RIMS2: variants seen among roughly 807,000 people sequenced by gnomAD.
The protein encoded by RIMS2 is regulating synaptic membrane exocytosis protein 2.
In RIMS2, 59 loss-of-function variants were observed where a neutral mutation model predicts 174.4. The ratio of observed to expected loss-of-function variants is 0.34; its 90% CI spans 0.27 to 0.42. The LOEUF (loss-of-function observed/expected upper bound fraction) is 0.42. RIMS2 is among the 10% of genes least tolerant of loss of function. The pLI is 1.00. For missense variants in RIMS2, 1,620 were observed against 1,666.3 expected (o/e 0.97, Z 0.48); for synonymous variants, 606 against 572.5 (o/e 1.06, Z -0.84).
chr8:103,778,883 C>CTCCTTTT, intron 3 of RIMS2, among the ~76,000 whole-genome samples: 1 of 152,226 alleles, frequency 6.6e-6, no homozygotes, highest in East Asian at 1.9e-4. Flanking sequence ...TATGAGAGTT[C>CTCCTTTT]TCCTTTTTCC....
intron 15 of RIMS2, among the ~76,000 whole-genome samples, chr8:103,972,775 T>C (rs117603252): frequency 3.2e-3 from 483 of 152,288 alleles, no homozygotes; most frequent in Non-Finnish European, 5.6e-3. Flanking sequence ...TTGTGTTACC[T>C]AGTCTAACCA....
intron 1 of RIMS2, among the ~76,000 whole-genome samples, chr8:103,593,609 G>T (rs1011420063): frequency 5.3e-5 from 8 of 151,258 alleles, no homozygotes; most frequent in African/African-American, 1.9e-4. Flanking sequence ...AATATATTAG[G>T]ACATGTAGAA....
intron 19 of RIMS2, among the ~76,000 whole-genome samples, chr8:104,140,732 C>A (rs997745941): frequency 1.1e-4 from 17 of 152,162 alleles, no homozygotes; most frequent in African/African-American, 3.9e-4. Context: ...TGGGACCTAA[C>A]ACCAAGTAGA....
intron 19 of RIMS2, among the ~76,000 whole-genome samples, chr8:104,054,350 G>A (rs988519428): frequency 4.6e-5 from 7 of 151,942 alleles, no homozygotes; most frequent in Non-Finnish European, 7.4e-5. Flanking sequence ...AGCAATCAGC[G>A]GCAGCATCTT....
chr8:103,886,756 G>T (rs2099204661), intron 4 of RIMS2, among the ~76,000 whole-genome samples: 1 of 150,426 alleles, frequency 6.6e-6, no homozygotes, highest in African/African-American at 2.4e-5. Context: ...GTATACTGAT[G>T]CTTTCAATTG....
intron 1 of RIMS2, among the ~76,000 whole-genome samples, chr8:103,544,502 T>A (rs188375227): frequency 4.6e-5 from 7 of 152,258 alleles, no homozygotes; most frequent in African/African-American, 1.7e-4. Flanking sequence ...AACCTCCTAT[T>A]GCGCTAGAGA....
chr8:104,076,584 T>C (rs969262620), intron 19 of RIMS2, among the ~76,000 whole-genome samples: 5 of 152,146 alleles, frequency 3.3e-5, no homozygotes, highest in African/African-American at 9.7e-5. Flanking sequence ...GTAATAGAGA[T>C]ATATGGACAG....
intron 21 of RIMS2, 96 bp downstream of exon 27, chr8:104,248,909 C>A: frequency 1.6e-6 from 1 of 632,826 alleles, no homozygotes. Flanking sequence ...CTCTCTCTCT[C>A]TCTTTCCCTC....
chr8:104,118,850 G>C (rs898054612), intron 19 of RIMS2, among the ~76,000 whole-genome samples: 1 of 152,064 alleles, frequency 6.6e-6, no homozygotes, highest in Non-Finnish European at 1.5e-5. Flanking sequence ...GTGTCTTCAC[G>C]TGGCAGAAAT....
At chr8:103,867,916 A>G (rs1440096229) in intron 3 of RIMS2, among the ~76,000 whole-genome samples, 4 of 152,024 alleles carry the variant, frequency 2.6e-5, no homozygotes, top group Admixed American at 2.6e-4. Flanking sequence ...TTATATACCA[A>G]AATAATAATT....
intron 3 of RIMS2, among the ~76,000 whole-genome samples, chr8:103,848,342 T>C (rs1484575458): frequency 6.6e-6 from 1 of 152,064 alleles, no homozygotes; most frequent in African/African-American, 2.4e-5. Flanking sequence ...TTTTCTTTTT[T>C]CTTCAAGTGG....
At chr8:103,960,598 C>G (rs1249058585) in intron 14 of RIMS2, among the ~76,000 whole-genome samples, 1 of 152,080 alleles carries the variant, frequency 6.6e-6, no homozygotes, top group Non-Finnish European at 1.5e-5. Context: ...AAGGAACTGA[C>G]TATATTCAAT....
intron 1 of RIMS2, among the ~76,000 whole-genome samples, chr8:103,584,785 A>G (rs964799085): frequency 1.3e-5 from 2 of 152,208 alleles, no homozygotes; most frequent in Non-Finnish European, 2.9e-5. Flanking sequence ...GAGAAAATCA[A>G]CTTCACTGGA....
rs867697014 is a variant in RIMS2 at position 103,574,246 on chromosome 8, C to T, written c.176+73184C>T. Among the ~76,000 whole-genome samples the T allele has an allele frequency of 4.6e-5, 7 of 152,152 alleles. No individual in the cohort carries two copies. In the South Asian group the frequency reaches 1.2e-3, roughly 27 times the overall value. Reference sequence around the variant, plus strand: ...TGGATATCATATTTGCCCTAGGTTCCCCCACTTTAGTAAATAAAAAGATAT... The same window carrying T: ...TGGATATCATATTTGCCCTAGGTTCTCCCACTTTAGTAAATAAAAAGATAT... On this transcript the variant is annotated intron_variant, in intron 1 of 23. Coordinates refer to ENST00000504942, the Ensembl canonical transcript of RIMS2.
intron 3 of RIMS2, among the ~76,000 whole-genome samples, chr8:103,862,180 A>C (rs1487777638): frequency 6.6e-6 from 1 of 151,912 alleles, no homozygotes; most frequent in Non-Finnish European, 1.5e-5. Flanking sequence ...ATTCAGTTTC[A>C]TTCTTCTTAA....
intron 1 of RIMS2, among the ~76,000 whole-genome samples, chr8:103,661,241 A>G (rs991653224): frequency 1.3e-5 from 2 of 152,212 alleles, no homozygotes; most frequent in African/African-American, 4.8e-5. Flanking sequence ...GTACTTCAGT[A>G]TCTGAATATA....
intron 2 of RIMS2, among the ~76,000 whole-genome samples, chr8:103,714,392 A>C (rs72679474): frequency 6.6e-6 from 1 of 152,338 alleles, no homozygotes; most frequent in Non-Finnish European, 1.5e-5. Flanking sequence ...GGAAAAAAGA[A>C]GACCAGCCTT....
At chr8:104,164,544 A>G (rs1443463847) in intron 19 of RIMS2, among the ~76,000 whole-genome samples, 7 of 152,244 alleles carry the variant, frequency 4.6e-5, no homozygotes, top group Non-Finnish European at 1.0e-4. Context: ...AACACATGAA[A>G]TCAACCCAAA....
chr8:103,510,807 T>C (rs1448563460), intron 1 of RIMS2, among the ~76,000 whole-genome samples: 1 of 152,180 alleles, frequency 6.6e-6, no homozygotes, highest in Non-Finnish European at 1.5e-5. Context: ...TTTAATCATA[T>C]CTGTAGAGTT....
Sources: gnomAD v4.1 joint callset for allele counts (sites outside exome capture counted in the v4.1 genomes callset) on GRCh38, gnomAD v4.1.1 for gene constraint, MANE v1.5 for transcripts, NCBI Gene and HGNC (gene_info 2026-07-23, HGNC 2026-07-21) for gene names.